The following ASMTL variants were observed in gnomAD, a reference collection of about 807,000 sequenced individuals.
ASMTL encodes the protein acetylserotonin O-methyltransferase like, also known as probable bifunctional dTTP/UTP pyrophosphatase/methyltransferase protein.
In ASMTL, 57 loss-of-function variants were observed where a neutral mutation model predicts 60.3. That is an observed-to-expected ratio of 0.95 (90% CI 0.76 to 1.18). The LOEUF is 1.18. ASMTL is among the 50% of genes most tolerant of loss of function. ASMTL has a pLI of 0.00. For missense variants in ASMTL, 981 were observed against 852.6 expected (o/e 1.15, Z -1.88); for synonymous variants, 419 against 373.0 (o/e 1.12, Z -1.42).
chrX:1,424,996 A>ACCAT (rs772737627), intron 8 of ASMTL, among the ~76,000 whole-genome samples: 53 of 37,552 alleles, frequency 1.4e-3, no homozygotes, highest in African/African-American at 4.3e-3. Flanking sequence ...CTATCCACCT[A>ACCAT]CCATCCATCC....
intron 3 of ASMTL, among the ~76,000 whole-genome samples, chrX:1,437,510 G>T (rs1377865425): frequency 6.6e-6 from 1 of 151,406 alleles, no homozygotes; most frequent in Non-Finnish European, 1.5e-5. Flanking sequence ...TCGTCCCTCT[G>T]TGTGTGTCTG....
intron 4 of ASMTL, chrX:1,435,448 T>A (rs1462472542): frequency 7.5e-5 from 46 of 613,428 alleles, no homozygotes; most frequent in Admixed American, 2.0e-4. Context: ...CAACTTCTCA[T>A]GACCCCAACA....
rs1343539349 is a variant in ASMTL, at chrX:1,419,032, A to C, written c.1328T>G (p.Val443Gly). The change falls in exon 10 of 13, where the codon GTG becomes GGG. Residue 443 changes from valine (V) to glycine (G), a missense_variant. Val to Gly is a moderately radical substitution (Grantham distance 109). Coordinates refer to ENST00000381317, the MANE Select transcript of ASMTL (RefSeq NM_004192.4). The part of the protein sequence containing the change: ...HGMTKLTACQ[V>G]ATAFNLSRFS... ...GCGGGACAGATTGAAGGCCGTGGCC[A>C]CCTGGCACGCAGTCAGCTTCGTCAT... The C allele has an allele frequency of 1.2e-6, 2 of 1,611,706 alleles. No individual in the cohort carries two copies. The highest frequency in any genetic ancestry group is 1.7e-6 in the Non-Finnish European group (2 of 1,179,738).
chrX:1,410,522 T>G (rs1286862112), intron 12 of ASMTL, among the ~76,000 whole-genome samples: 2 of 152,018 alleles, frequency 1.3e-5, no homozygotes, highest in East Asian at 3.9e-4. Context: ...TCAAGTGATG[T>G]CCTCTCTCAG....
At chrX:1,439,273 G>T in intron 2 of ASMTL, 129 bp from the exon 3 acceptor site, 1 of 897,744 alleles carries the variant, frequency 1.1e-6, no homozygotes, top group East Asian at 2.5e-5. Context: ...GTGAAGGCTG[G>T]GGGTGCTCAA....
At chrX:1,415,203 A>C (rs1219418569) in intron 11 of ASMTL, among the ~76,000 whole-genome samples, 8 of 6,032 alleles carry the variant, frequency 1.3e-3, no homozygotes, top group Non-Finnish European at 9.4e-3. Flanking sequence ...AGCCTCCCAG[A>C]GGGCTGGGAT....
At position 1,403,519 on chromosome X, in the gene ASMTL, T is replaced by C. The variant is rs377448783; in HGVS notation, c.1646-30A>G. The stretch of plus-strand genomic sequence containing the variant: ...GGGAGACAGCAGAGAGCTGGAGTCC[T>C]GGCCAGCCAGGCGGGGATCCTTCAG... On this transcript the variant is annotated intron_variant, in intron 12 of 12. Coordinates refer to ENST00000381317, the MANE Select transcript of ASMTL (RefSeq NM_004192.4). 6.6e-5 allele frequency: 106 copies of C among 1,602,658 alleles called. No homozygotes were observed. In the African/African-American group the frequency reaches 1.2e-3, roughly 18 times the overall value.
Position 1,424,558 on chromosome X carries a change from ATCTG to A in ASMTL, c.1060+963_1060+966del, listed in dbSNP as rs1486872557. The stretch of plus-strand genomic sequence containing the variant: ...CATCCACACATCCATCCATCCATCC[ATCTG>A]TCCGTCCATCCATCCATCCAGCCAC... On this transcript the variant is annotated intron_variant, in intron 8 of 12. Coordinates refer to ENST00000381317, the MANE Select transcript of ASMTL (RefSeq NM_004192.4). 7.2e-4 allele frequency among the ~76,000 whole-genome samples: 14 copies of A among 19,444 alleles called. No homozygotes were observed. The East Asian group carries it at 0.048, about 67-fold the overall frequency. 12.8% of individuals were successfully genotyped at this position (19,444 alleles called of 152,430 possible). A position where few individuals can be genotyped will look rare whatever the true frequency, so the allele number is the denominator to read the frequency against.
intron 9 of ASMTL, among the ~76,000 whole-genome samples, chrX:1,419,906 TTC>T (rs1295529920): frequency 1.3e-5 from 2 of 150,750 alleles, no homozygotes; most frequent in Non-Finnish European, 2.9e-5. Flanking sequence ...CACCACTGGC[TTC>T]TCTCTCTGAC....
At chrX:1,427,610 G>T in intron 7 of ASMTL, 124 bp downstream of exon 7, 1 of 1,034,750 alleles carries the variant, frequency 9.7e-7, no homozygotes, top group Non-Finnish European at 1.4e-6. Context: ...AGAAAGCATG[G>T]CCCTGAGACA....
Position 1,403,455 on chromosome X carries a change from A to G in ASMTL, c.1680T>C (p.Asp560=), listed in dbSNP as rs1292784760. Residue 560 remains aspartate (D), a synonymous_variant, in exon 13 of 13, where the codon GAT becomes GAC. Transcript: ENST00000381317. ...AGLLLVETLL[D]EEKRVAQRAL... Reference sequence around the variant, plus strand: ...CGCGCTGCGCCACCCTCTTCTCCTCATCCAGGAGCGTCTCCACCAGCAGCA... The same window carrying G: ...CGCGCTGCGCCACCCTCTTCTCCTCGTCCAGGAGCGTCTCCACCAGCAGCA... 1.2e-6 allele frequency: 2 copies of G among 1,613,088 alleles called. No homozygotes were observed. The highest frequency in any genetic ancestry group is 4.5e-5 in the East Asian group (2 of 44,886).
In ASMTL at chrX:1,411,899, G is replaced by A. The variant is rs1320871495; in HGVS notation, c.1645+833C>T. On this transcript the variant is annotated intron_variant, in intron 12 of 12. Transcript: ENST00000381317. ...GCAGTCTCGGCTCACTGCAACCTCCGTCTCCAGGTTCAAGCGATTCTCCTG... is the reference window on the plus strand; with the variant it reads ...GCAGTCTCGGCTCACTGCAACCTCCATCTCCAGGTTCAAGCGATTCTCCTG... Among the ~76,000 whole-genome samples, 16 of 126,578 alleles carry A rather than the reference G, an allele frequency of 1.3e-4. No homozygotes were observed. The East Asian group carries it at 2.1e-3, about 16-fold the overall frequency. The allele number at this position is 126,578 out of a possible 152,430, so 83.0% of individuals were successfully genotyped here. A position where few individuals can be genotyped will look rare whatever the true frequency, so the allele number is the denominator to read the frequency against.
Position 1,432,444 on chromosome X carries a change from C to CT in ASMTL, c.401-68_401-67insA, listed in dbSNP as rs1407962953. 3 of 1,219,082 alleles carry CT rather than the reference C, an allele frequency of 2.5e-6. No individual in the cohort carries two copies. The African/African-American group carries it at 4.5e-5, about 18-fold the overall frequency. The allele number at this position is 1,219,082 out of a possible 1,614,324, so 75.5% of individuals were successfully genotyped here. ...TGTCACCTCCGTGCCCTGACAGCTGCGTGGCTGTGCTGTGGAGGTGTGTAC... is the reference window on the plus strand; with the variant it reads ...TGTCACCTCCGTGCCCTGACAGCTGCTGTGGCTGTGCTGTGGAGGTGTGTAC... On this transcript the variant is annotated intron_variant, in intron 5 of 12. Transcript: ENST00000381317.
At position 1,427,782 on chromosome X, in the gene ASMTL, C is replaced by A. The variant is rs372525723; in HGVS notation, c.849G>T (p.Pro283=). Residue 283 remains proline, a synonymous_variant, in exon 7 of 13, where the codon CCG becomes CCT. Coordinates refer to ENST00000381317, the MANE Select transcript of ASMTL (RefSeq NM_004192.4). ...ECHRTRETLP[P]FPTRLLELIE... The stretch of plus-strand genomic sequence containing the variant: ...TCAGCTCCAGGAGGCGTGTCGGGAA[C>A]GGAGGCAGGGTCTCCCGAGTCCTGT... 2 of 1,612,826 alleles carry A rather than the reference C, an allele frequency of 1.2e-6. No homozygotes were observed. Among genetic ancestry groups the A allele is most frequent in the African/African-American group, 2.7e-5 (2 of 74,914 alleles).
chrX:1,452,637 G>T, intron 1 of ASMTL, 111 bp downstream of exon 1: 1 of 859,776 alleles, frequency 1.2e-6, no homozygotes, highest in Non-Finnish European at 1.8e-6. Flanking sequence ...CATCCCTAAG[G>T]GTCTCGGGTC....
rs371568745 is a variant in ASMTL at position 1,420,360 on chromosome X, T to C, written c.1246-1246A>G. Among the ~76,000 whole-genome samples the C allele has an allele frequency of 1.7e-3, 261 of 151,362 alleles. 7 individuals are homozygous for C. The South Asian group carries it at 0.053, about 31-fold the overall frequency. ...CTCTGTCTGTCTCTGTCTCCCTCTATCTTTCTGTCTGCCTATCTCTCTCTC... is the reference window on the plus strand; with the variant it reads ...CTCTGTCTGTCTCTGTCTCCCTCTACCTTTCTGTCTGCCTATCTCTCTCTC... On this transcript the variant is annotated intron_variant, in intron 9 of 12. Coordinates refer to ENST00000381317, the MANE Select transcript of ASMTL (RefSeq NM_004192.4).
intron 1 of ASMTL, among the ~76,000 whole-genome samples, chrX:1,450,794 G>T (rs1335317537): frequency 2.1e-5 from 3 of 140,784 alleles, no homozygotes; most frequent in African/African-American, 8.1e-5. Context: ...AACCCTAGGG[G>T]TCCCAGGTTA....
In ASMTL at chrX:1,412,796, C is replaced by T. The variant is rs749713630; in HGVS notation, c.1581G>A (p.Leu527=). 6 of 1,613,966 alleles carry T rather than the reference C, an allele frequency of 3.7e-6. No homozygotes were observed. The highest frequency in any genetic ancestry group is 5.1e-6 in the Non-Finnish European group (6 of 1,179,866). ...SAELYVLCRI[L]HDWPDDKVHK... ...GGACTTTGTCGTCTGGCCAGTCATG[C>T]AGGATCCGGCACAGGACGTACAGCT... The change falls in exon 12 of 13, where the codon CTG becomes CTA. Residue 527 remains leucine (L), a synonymous_variant. Coordinates refer to ENST00000381317, the MANE Select transcript of ASMTL (RefSeq NM_004192.4).
At chrX:1,423,170 T>G (rs1453653368) in intron 8 of ASMTL, among the ~76,000 whole-genome samples, 22 of 152,252 alleles carry the variant, frequency 1.4e-4, no homozygotes, top group Admixed American at 2.6e-4. Flanking sequence ...GCCAGGATGG[T>G]CTTGATCTCC....
Sources: gnomAD v4.1 joint callset for allele counts (sites outside exome capture counted in the v4.1 genomes callset) on GRCh38, gnomAD v4.1.1 for gene constraint, MANE v1.5 for transcripts, NCBI Gene and HGNC (gene_info 2026-07-23, HGNC 2026-07-21) for gene names.